LITAF: variants seen among roughly 807,000 people sequenced by gnomAD.
LITAF encodes lipopolysaccharide induced TNF factor.
Under a neutral mutation model 14.5 loss-of-function variants are expected in LITAF, and 9 were observed. That is an observed-to-expected ratio of 0.62 (90% CI 0.37 to 1.08). The LOEUF is 1.08. Ranked by LOEUF, LITAF falls within the 50% of genes least tolerant of loss-of-function variation. LITAF has a pLI of 0.01. For synonymous variants in LITAF, 98 were observed against 88.2 expected (o/e 1.11, Z -0.62); for missense variants, 206 against 213.4 (o/e 0.97, Z 0.22).
rs1004738098 is a variant in LITAF at position 11,605,211 on chromosome 16, G to C, written c.85+28322C>G. On this transcript the variant is annotated intron_variant, in intron 3 of 3. Transcript: ENST00000574848. This position sits in a 1 kb window ranked among gnomAD's most constrained non-coding sequence, Gnocchi z 4.7. ...ATCCCCCCAGCCAGCTCTGGATGGA[G>C]GATGAGCTGAATTACGCACCGTGGA... Among the ~76,000 whole-genome samples, 1 of 152,216 alleles carries C rather than the reference G, an allele frequency of 6.6e-6. No individual in the cohort carries two copies. The highest frequency in any genetic ancestry group is 1.5e-5 in the Non-Finnish European group (1 of 68,038).
At chr16:11,627,657 G>A (rs992063297) in intron 3 of LITAF, among the ~76,000 whole-genome samples, 6 of 152,072 alleles carry the variant, frequency 3.9e-5, no homozygotes, top group East Asian at 1.9e-4. Context: ...CAGCCTGGCC[G>A]ACATGGCAAA....
rs1371142364 is a variant in LITAF at position 11,634,721 on chromosome 16, G to C, written c.-20-1084C>G. ...AAACCCTAGCCTCTGAATTTTCAGGGAGACTGACTTGAGTCATAAAACTCT... is the reference window on the plus strand; with the variant it reads ...AAACCCTAGCCTCTGAATTTTCAGGCAGACTGACTTGAGTCATAAAACTCT... On this transcript the variant is annotated intron_variant, in intron 2 of 3. Coordinates refer to the LITAF transcript ENST00000574848. The surrounding 1 kb of genome is among the most constrained non-coding windows in gnomAD (Gnocchi z 4.1). Among the ~76,000 whole-genome samples the C allele has an allele frequency of 5.9e-5, 9 of 152,128 alleles. No homozygotes were observed. Among genetic ancestry groups the C allele is most frequent in the Non-Finnish European group, 1.0e-4 (7 of 68,038 alleles).
chr16:11,565,738 CTTGCT>C (rs1429342364), intron 1 of LITAF, among the ~76,000 whole-genome samples: 1 of 152,118 alleles, frequency 6.6e-6, no homozygotes, highest in East Asian at 1.9e-4. Flanking sequence ...CCACACCTGC[CTTGCT>C]TGGATGTTCC....
intron 1 of LITAF, among the ~76,000 whole-genome samples, chr16:11,575,739 G>T (rs1031595781): frequency 1.3e-5 from 2 of 152,026 alleles, no homozygotes; most frequent in Non-Finnish European, 2.9e-5. Context: ...GTCTTCTCCC[G>T]AGAACACAAA....
At chr16:11,567,888 G>A (rs1405009228) in intron 1 of LITAF, among the ~76,000 whole-genome samples, 1 of 152,154 alleles carries the variant, frequency 6.6e-6, no homozygotes, top group African/African-American at 2.4e-5. Flanking sequence ...GGTGACTGAG[G>A]CAGGAGAAGT....
At chr16:11,603,345 G>C (rs577975657), upstream of LITAF, among the ~76,000 whole-genome samples, 2 of 152,344 alleles carry the variant, frequency 1.3e-5, no homozygotes, top group East Asian at 3.9e-4. Context: ...TGCTGTTTGA[G>C]CTGTCAGCAG....
chr16:11,619,334 AC>A (rs1244764413), intron 3 of LITAF, among the ~76,000 whole-genome samples: 2 of 151,132 alleles, frequency 1.3e-5, no homozygotes, highest in Admixed American at 1.3e-4. Flanking sequence ...AAAAAAAAAA[AC>A]CCCAGCACTG....
At position 11,634,874 on chromosome 16, in the gene LITAF, A is replaced by C. The variant is rs1231153993; in HGVS notation, c.-21+951T>G. Among the ~76,000 whole-genome samples the C allele has an allele frequency of 6.6e-6, 1 of 152,034 alleles. No homozygotes were observed. Among genetic ancestry groups the C allele is most frequent in the Non-Finnish European group, 1.5e-5 (1 of 68,002 alleles). ...CCTGGTGAAACCCCGTCTCTACTAA[A>C]AATGCAAAAACTAGCTGGGCGTGTT... On this transcript the variant is annotated intron_variant, in intron 2 of 3. Coordinates refer to the LITAF transcript ENST00000574848. The surrounding 1 kb of genome is among the most constrained non-coding windows in gnomAD (Gnocchi z 4.1).
rs554343649 is a variant in LITAF, at chr16:11,595,446, C to T, written c.-6+2942G>A. Among the ~76,000 whole-genome samples, 4 of 152,204 alleles carry T rather than the reference C, an allele frequency of 2.6e-5. No individual in the cohort carries two copies. The East Asian group carries it at 7.7e-4, about 29-fold the overall frequency. ...ATCTAGCACATAACTATGAAGGATGCCGGCTGGACACGGTGGCTCAAGCCT... is the reference window on the plus strand; with the variant it reads ...ATCTAGCACATAACTATGAAGGATGTCGGCTGGACACGGTGGCTCAAGCCT... On this transcript the variant is annotated intron_variant, in intron 1 of 3. Transcript: ENST00000571627.
intron 3 of LITAF, among the ~76,000 whole-genome samples, chr16:11,552,736 A>T (rs1464524363): frequency 6.6e-6 from 1 of 152,130 alleles, no homozygotes; most frequent in Non-Finnish European, 1.5e-5. Context: ...AACACTGGGG[A>T]GCGTGGTGCT....
At chr16:11,577,310 G>A (rs1344836223) in intron 1 of LITAF, among the ~76,000 whole-genome samples, 1 of 139,838 alleles carries the variant, frequency 7.2e-6, no homozygotes, top group Non-Finnish European at 1.5e-5. Flanking sequence ...CTCATTAGAA[G>A]TGTCTATTTT....
intron 3 of LITAF, among the ~76,000 whole-genome samples, chr16:11,611,014 T>A (rs568149489): frequency 6.6e-6 from 1 of 151,916 alleles, no homozygotes; most frequent in East Asian, 1.9e-4. Flanking sequence ...AGAAGGCGCC[T>A]AAAAATCTAT....
chr16:11,610,942 T>G (rs913678314), intron 3 of LITAF, among the ~76,000 whole-genome samples: 1 of 151,834 alleles, frequency 6.6e-6, no homozygotes, highest in Non-Finnish European at 1.5e-5. Context: ...TTGAAACACT[T>G]AGGACCCCTC....
At chr16:11,583,169 A>G (rs1248500293) in intron 1 of LITAF, among the ~76,000 whole-genome samples, 2 of 152,202 alleles carry the variant, frequency 1.3e-5, no homozygotes, top group Non-Finnish European at 2.9e-5. Flanking sequence ...AATATTTCAG[A>G]GAAATGTGTG....
At chr16:11,551,426 C>T (rs1017869025) in intron 3 of LITAF, among the ~76,000 whole-genome samples, 1 of 152,124 alleles carries the variant, frequency 6.6e-6, no homozygotes, top group Non-Finnish European at 1.5e-5. Context: ...CCCATGGCCA[C>T]ACAGCTAGTG....
Position 11,632,581 on chromosome 16 carries a change from C to T in LITAF, c.85+952G>A, listed in dbSNP as rs112962239. Among the ~76,000 whole-genome samples the T allele has an allele frequency of 9.5e-4, 144 of 152,342 alleles. 1 individual carries two copies. Among genetic ancestry groups the T allele is most frequent in the African/African-American group, 2.7e-3 (112 of 41,572 alleles). Reference sequence around the variant, plus strand: ...CGGCCCCTGTGGGCTCTTTGGCCTGCGCTCCCTGGCACGTGGGATCCCTTG... The same window carrying T: ...CGGCCCCTGTGGGCTCTTTGGCCTGTGCTCCCTGGCACGTGGGATCCCTTG... On this transcript the variant is annotated intron_variant, in intron 3 of 3. Transcript: ENST00000574848. This position sits in a 1 kb window ranked among gnomAD's most constrained non-coding sequence, Gnocchi z 4.8.
chr16:11,595,275 T>C (rs547951935), intron 1 of LITAF, among the ~76,000 whole-genome samples: 18 of 152,320 alleles, frequency 1.2e-4, no homozygotes, highest in African/African-American at 4.3e-4. Context: ...GACAGGAGGC[T>C]TGCCTGAGGT....
intron 3 of LITAF, among the ~76,000 whole-genome samples, chr16:11,604,644 T>TAAAAAAAAA (rs67633068): frequency 7.8e-6 from 1 of 128,590 alleles, no homozygotes; most frequent in Non-Finnish European, 1.6e-5. Context: ...CTGTCTCTCT[T>TAAAAAAAAA]AAAAAAAAAA....
At chr16:11,583,695 A>G (rs1416030632) in intron 1 of LITAF, among the ~76,000 whole-genome samples, 1 of 152,204 alleles carries the variant, frequency 6.6e-6, no homozygotes, top group Non-Finnish European at 1.5e-5. Context: ...GCAAGACATC[A>G]TTAAGCTCTT....
Sources: gnomAD v4.1 joint callset for allele counts (sites outside exome capture counted in the v4.1 genomes callset) on GRCh38, gnomAD v4.1.1 for gene constraint, Gnocchi (gnomAD v3.1) non-coding constraint, MANE v1.5 for transcripts, NCBI Gene and HGNC (gene_info 2026-07-23, HGNC 2026-07-21) for gene names.